RNF157: variants seen among roughly 807,000 people sequenced by gnomAD.
RNF157 encodes the protein E3 ubiquitin ligase RNF157.
RNF157 carries 55 observed loss-of-function variants against 88.3 expected under a neutral mutation model. The observed-to-expected ratio is 0.62, with a 90% CI of 0.50 to 0.78. RNF157 has a LOEUF of 0.78. Among genes scored for constraint, RNF157 ranks in the 30% least tolerant of loss-of-function variants. The pLI is 0.00. For missense variants in RNF157, 788 were observed against 860.8 expected, an observed-to-expected ratio of 0.92 and a Z score of 1.06; for synonymous variants, 334 against 341.2, an observed-to-expected ratio of 0.98 and a Z score of 0.23.
At chr17:76,215,378 C>A (rs1015370378) in intron 1 of RNF157, among the ~76,000 whole-genome samples, 1 of 151,386 alleles carries the variant, frequency 6.6e-6, no homozygotes, top group Non-Finnish European at 1.5e-5. Context: ...AGAAGGCTGA[C>A]GCAGAAGGGT....
chr17:76,215,513 A>G (rs1403740709), intron 1 of RNF157, among the ~76,000 whole-genome samples: 2 of 145,102 alleles, frequency 1.4e-5, no homozygotes, highest in Non-Finnish European at 3.0e-5. Context: ...AAGAAAAGAA[A>G]AAAGGAAAAA....
chr17:76,154,571 G>A, intron 16 of RNF157: 1 of 475,302 alleles, frequency 2.1e-6, no homozygotes, highest in Non-Finnish European at 3.7e-6. Context: ...AGAATGGTCT[G>A]TCAGGAACAC....
chr17:76,148,837 T>C (rs919754146), intron 18 of RNF157, among the ~76,000 whole-genome samples: 1 of 152,228 alleles, frequency 6.6e-6, no homozygotes, highest in Non-Finnish European at 1.5e-5. Flanking sequence ...CTCAAAATGC[T>C]GGGATTACAG....
intron 18 of RNF157, chr17:76,147,326 A>G: frequency 6.1e-6 from 6 of 986,286 alleles, no homozygotes; most frequent in Non-Finnish European, 7.2e-6. Context: ...AGTAGGAAAG[A>G]CCAAAAGCAA....
chr17:76,165,598 G>A lies in RNF157; in HGVS notation c.629-53C>T, dbSNP rs1598397346. 3.4e-5 allele frequency: 54 copies of A among 1,590,074 alleles called. No homozygotes were observed. In the South Asian group the frequency reaches 4.6e-4, roughly 14 times the overall value. On this transcript the variant is annotated intron_variant, in intron 6 of 18. Coordinates refer to ENST00000269391, the MANE Select transcript of RNF157 (RefSeq NM_052916.3). The stretch of plus-strand genomic sequence containing the variant: ...AGAAGCCCAAACAGCACATCTTGAT[G>A]CCCATGACTTTCTCCAGTTCCCTGC...
intron 18 of RNF157, 70 bp from the exon 19 acceptor site, chr17:76,145,423 G>T: frequency 8.3e-7 from 1 of 1,211,210 alleles, no homozygotes; most frequent in Non-Finnish European, 1.2e-6. Context: ...CTCCAGCAGG[G>T]CAGCCCAGGA....
chr17:76,191,600 CAAA>C (rs71363619), intron 2 of RNF157, among the ~76,000 whole-genome samples: 6 of 65,254 alleles, frequency 9.2e-5, no homozygotes, highest in Admixed American at 1.8e-4. Context: ...GACTCCGCCT[CAAA>C]AAAAAAAAAA....
intron 2 of RNF157, among the ~76,000 whole-genome samples, chr17:76,200,791 G>A (rs952080022): frequency 2.0e-5 from 3 of 152,140 alleles, no homozygotes; most frequent in Non-Finnish European, 4.4e-5. Flanking sequence ...TTTACTGTCA[G>A]GTTGCTGAAA....
At chr17:76,222,702 G>C (rs1413100222) in intron 1 of RNF157, among the ~76,000 whole-genome samples, 1 of 152,126 alleles carries the variant, frequency 6.6e-6, no homozygotes, top group African/African-American at 2.4e-5. Flanking sequence ...AAACAGCAGA[G>C]ACCGAGAGAT....
At chr17:76,190,812 A>G (rs1598416930) in intron 2 of RNF157, among the ~76,000 whole-genome samples, 2 of 150,680 alleles carry the variant, frequency 1.3e-5, no homozygotes, top group African/African-American at 4.9e-5. Flanking sequence ...AGAGGCTGAG[A>G]CAGAAGAATG....
chr17:76,226,386 T>C (rs1475260820), intron 1 of RNF157: 12 of 1,590,416 alleles, frequency 7.5e-6, no homozygotes, highest in African/African-American at 1.4e-5. Flanking sequence ...AGATGGCCAA[T>C]TGGGTTCACC....
At chr17:76,153,280 T>G (rs1272980535) in intron 17 of RNF157, 1 of 152,086 alleles carries the variant, frequency 6.6e-6, no homozygotes, top group African/African-American at 2.4e-5. Context: ...ATCAACTGAG[T>G]TGGTGACACT....
At chr17:76,173,843 T>A (rs764463110) in intron 2 of RNF157, 53 bp from the exon 3 acceptor site, 76 of 1,448,776 alleles carry the variant, frequency 5.2e-5, no homozygotes, top group Non-Finnish European at 7.1e-5. Flanking sequence ...GACCCACAGC[T>A]GTCCCTCGCT....
At chr17:76,203,261 G>A (rs922652181) in intron 2 of RNF157, among the ~76,000 whole-genome samples, 1 of 152,080 alleles carries the variant, frequency 6.6e-6, no homozygotes, top group Non-Finnish European at 1.5e-5. Flanking sequence ...AAAATGCTGC[G>A]ACTACAGGCG....
chr17:76,166,486 T>C lies in RNF157; in HGVS notation c.603A>G (p.Val201=). ...DLDREVYPLV[V]HAVVDEGDEY... is the part of the protein sequence containing the mutation. ...CGTCTCCTTCATCCACCACGGCATG[T>C]ACCACTAGAGGGTAAACTTCTCGGT... The change falls in exon 6 of 19, where the codon GTA becomes GTG. Residue 201 remains valine (V), a synonymous_variant. Coordinates refer to ENST00000269391, the MANE Select transcript of RNF157 (RefSeq NM_052916.3). The C allele has an allele frequency of 6.2e-7, 1 of 1,613,810 alleles. No homozygotes were observed. Among genetic ancestry groups the C allele is most frequent in the Non-Finnish European group, 8.5e-7 (1 of 1,179,938 alleles).
chr17:76,190,862 C>T (rs1230788654), intron 2 of RNF157, among the ~76,000 whole-genome samples: 2 of 151,184 alleles, frequency 1.3e-5, no homozygotes, highest in African/African-American at 2.4e-5. Context: ...GAGCCGAGAT[C>T]GTGCCACTGC....
At position 76,161,537 on chromosome 17, in the gene RNF157, G is replaced by A. The variant is rs775841509; in HGVS notation, c.1063C>T (p.Pro355Ser). 4 of 1,612,878 alleles carry A rather than the reference G, an allele frequency of 2.5e-6. No individual in the cohort carries two copies. The African/African-American group carries it at 5.3e-5, about 22-fold the overall frequency. Residue 355 changes from proline to serine, a missense_variant and splice_region_variant, in exon 11 of 19, where the codon CCA becomes TCA. Coordinates refer to ENST00000269391, the MANE Select transcript of RNF157 (RefSeq NM_052916.3). The surrounding 1 kb of genome is among the most constrained non-coding windows in gnomAD (Gnocchi z 4.6). ...CCGTGGTTCCGAGCCCAACTTACTG[G>A]ATGCTCTTCAGAGTCAGATGTCTGG... ...SSQTSDSEEHPSSENIPPGYE... is the reference protein window; with the variant it reads ...SSQTSDSEEHSSSENIPPGYE...
intron 18 of RNF157, among the ~76,000 whole-genome samples, chr17:76,150,555 T>C (rs1184215288): frequency 6.6e-6 from 1 of 152,022 alleles, no homozygotes; most frequent in Non-Finnish European, 1.5e-5. Flanking sequence ...AACCTAAATT[T>C]CTCTCCTAAA....
chr17:76,182,675 C>T (rs1386453171), intron 2 of RNF157, among the ~76,000 whole-genome samples: 8 of 149,188 alleles, frequency 5.4e-5, no homozygotes, highest in Admixed American at 5.3e-4. Context: ...TCATCCCATC[C>T]ATAAAAATAA....
Sources: gnomAD v4.1 joint callset for allele counts (sites outside exome capture counted in the v4.1 genomes callset) on GRCh38, gnomAD v4.1.1 for gene constraint, Gnocchi (gnomAD v3.1) non-coding constraint, MANE v1.5 for transcripts, NCBI Gene and HGNC (gene_info 2026-07-23, HGNC 2026-07-21) for gene names.